The following GPHN variants were observed in gnomAD, a reference collection of about 807,000 sequenced individuals.
GPHN encodes the protein gephyrin.
A neutral mutation model predicts 95.5 loss-of-function variants in GPHN; 17 were observed. That is an observed-to-expected ratio of 0.18 (90% CI 0.12 to 0.27). GPHN has a LOEUF of 0.27. GPHN is among the 10% of genes least tolerant of loss of function. GPHN has a pLI of 1.00. For synonymous variants in GPHN, 320 were observed against 322.5 expected, an observed-to-expected ratio of 0.99 and a Z score of 0.08; for missense variants, 660 against 978.1, an observed-to-expected ratio of 0.67 and a Z score of 4.34.
chr14:67,562,087 G>A, the GPHN span: 1 of 1,602,388 alleles, frequency 6.2e-7, no homozygotes, highest in East Asian at 2.2e-5. Flanking sequence ...GGTGGGTATG[G>A]GGCTGAGCTA....
At chr14:66,805,712 A>G (rs556449336) in intron 3 of GPHN, among the ~76,000 whole-genome samples, 42 of 152,310 alleles carry the variant, frequency 2.8e-4, no homozygotes, top group African/African-American at 9.9e-4. Context: ...CTTTGACTCT[A>G]TGTCTCACAA....
chr14:67,089,485 T>A (rs1489709164), intron 12 of GPHN, among the ~76,000 whole-genome samples: 1 of 152,138 alleles, frequency 6.6e-6, no homozygotes, highest in Non-Finnish European at 1.5e-5. Flanking sequence ...GTTACTGAAA[T>A]TCTTGGCTAC....
At chr14:66,530,970 T>A (rs1284131447) in intron 1 of GPHN, among the ~76,000 whole-genome samples, 1 of 150,088 alleles carries the variant, frequency 6.7e-6, no homozygotes, top group Admixed American at 6.6e-5. Context: ...TTTTTTTTTT[T>A]TTTGATACGG....
At chr14:67,638,951 T>C in the GPHN span, among the ~76,000 whole-genome samples, 131 of 152,314 alleles carry the variant, frequency 8.6e-4, 1 homozygote, top group Non-Finnish European at 1.3e-3. Context: ...TGCTGTTTGG[T>C]GAGATGGCAT....
chr14:67,367,614 G>A, the GPHN span, among the ~76,000 whole-genome samples: 9 of 152,204 alleles, frequency 5.9e-5, no homozygotes, highest in East Asian at 1.9e-4. Flanking sequence ...CGGTGGGCAC[G>A]TTGCGTGAAC....
At chr14:66,957,977 C>T (rs2068645026) in intron 8 of GPHN, among the ~76,000 whole-genome samples, 1 of 152,174 alleles carries the variant, frequency 6.6e-6, no homozygotes, top group African/African-American at 2.4e-5. Flanking sequence ...AAACCATCCC[C>T]ACCAACCCCC....
At position 67,179,688 on chromosome 14, in the gene GPHN, A is replaced by T. The variant is rs1460359101; in HGVS notation, c.2176+14A>T. The stretch of plus-strand genomic sequence containing the variant: ...CACAGAGTACAGGTTAGTCATTCAC[A>T]TCTACAGATATTCCTAGACACCTAT... On this transcript the variant is annotated intron_variant, in intron 22 of 22. Transcript: ENST00000478722. 6.3e-6 allele frequency: 8 copies of T among 1,267,900 alleles called. No individual in the cohort carries two copies. In the South Asian group the frequency reaches 8.3e-5, roughly 13 times the overall value. The allele number at this position is 1,267,900 out of a possible 1,614,324, so 78.5% of individuals were successfully genotyped here. A position where few individuals can be genotyped will look rare whatever the true frequency, so the allele number is the denominator to read the frequency against.
intron 9 of GPHN, among the ~76,000 whole-genome samples, chr14:66,971,350 G>C (rs1658002622): frequency 6.6e-6 from 1 of 151,962 alleles, no homozygotes; most frequent in African/African-American, 2.4e-5. Context: ...AAATAGTAAA[G>C]CCTTTACATG....
the GPHN span, among the ~76,000 whole-genome samples, chr14:67,709,874 G>A: frequency 0.13 from 20,324 of 152,124 alleles, 1,396 homozygotes; most frequent in East Asian, 0.21. Flanking sequence ...AATCACTAAG[G>A]AAATCTCAAG....
intron 1 of GPHN, among the ~76,000 whole-genome samples, chr14:66,675,545 C>G (rs1354263722): frequency 6.6e-6 from 1 of 152,092 alleles, no homozygotes; most frequent in Admixed American, 6.5e-5. Context: ...CAAATATTTT[C>G]TTTCATTCAA....
the GPHN span, chr14:67,645,557 A>C: frequency 2.7e-6 from 4 of 1,468,736 alleles, no homozygotes; most frequent in Non-Finnish European, 3.7e-6. Context: ...CTGTGGAGAG[A>C]GTATAAGTTG....
At chr14:67,642,612 T>C in the GPHN span, among the ~76,000 whole-genome samples, 3 of 152,106 alleles carry the variant, frequency 2.0e-5, no homozygotes, top group Non-Finnish European at 4.4e-5. Context: ...TTCAGAGGTA[T>C]ACTAGGCAAG....
intron 3 of GPHN, among the ~76,000 whole-genome samples, chr14:66,818,883 T>C (rs940401758): frequency 6.6e-6 from 1 of 152,238 alleles, no homozygotes; most frequent in African/African-American, 2.4e-5. Flanking sequence ...AGGACACATG[T>C]ATGTCTTCTT....
chr14:67,011,016 G>A lies in GPHN; in HGVS notation c.964-12617G>A, dbSNP rs566833597. On this transcript the variant is annotated intron_variant, in intron 9 of 22. Transcript: ENST00000478722. ...AGAAATCCAAGCTAAAGTGTTTTGG[G>A]GTATTGAAAGCCTAATGTAAATGTC... is the stretch of plus-strand genomic sequence containing the variant. Among the ~76,000 whole-genome samples, 3 of 152,062 alleles carry A rather than the reference G, an allele frequency of 2.0e-5. No homozygotes were observed. In the South Asian group the frequency reaches 6.3e-4, roughly 32 times the overall value.
At chr14:66,699,074 T>C (rs2153413296) in intron 2 of GPHN, among the ~76,000 whole-genome samples, 1 of 152,338 alleles carries the variant, frequency 6.6e-6, no homozygotes, top group South Asian at 2.1e-4. Context: ...AGCTATGATT[T>C]AAACTTAACT....
chr14:67,697,033 A>G, the GPHN span, among the ~76,000 whole-genome samples: 1 of 152,186 alleles, frequency 6.6e-6, no homozygotes, highest in South Asian at 2.1e-4. Context: ...TTATAACTTT[A>G]TAAAAGCCTT....
intron 14 of GPHN, 70 bp downstream of exon 14, chr14:67,110,329 G>A (rs1009231061): frequency 3.2e-6 from 5 of 1,553,568 alleles, no homozygotes; most frequent in Non-Finnish European, 4.4e-6. Context: ...ATTTTCTGCA[G>A]TGTTTGTGAG....
chr14:66,731,364 G>T (rs1450761930), intron 2 of GPHN, among the ~76,000 whole-genome samples: 1 of 152,198 alleles, frequency 6.6e-6, no homozygotes, highest in African/African-American at 2.4e-5. Context: ...GAACTTCCCG[G>T]AGACTTGCTG....
chr14:67,640,978 G>C, the GPHN span, among the ~76,000 whole-genome samples: 6 of 152,092 alleles, frequency 3.9e-5, no homozygotes, highest in African/African-American at 1.2e-4. Context: ...TGAACACACT[G>C]TATTAATGGT....
Sources: allele counts gnomAD v4.1 joint callset (sites outside exome capture counted in the v4.1 genomes callset), GRCh38; gene constraint gnomAD v4.1.1; transcripts MANE v1.5; gene names NCBI Gene and HGNC (gene_info 2026-07-23, HGNC 2026-07-21).